The following RNF145 variants were observed in gnomAD, a reference collection of about 807,000 sequenced individuals.
RNF145 encodes the protein ring finger protein 145.
A neutral mutation model predicts 57.3 loss-of-function variants in RNF145; 12 were observed. The ratio of observed to expected loss-of-function variants is 0.21; its 90% CI spans 0.13 to 0.34. The LOEUF (loss-of-function observed/expected upper bound fraction) is 0.34. RNF145 is among the 10% of genes least tolerant of loss of function. The probability of loss-of-function intolerance (pLI) is 1.00; values close to 1 mark genes in which losing one functional copy is unlikely to be tolerated. For missense variants in RNF145, 429 were observed against 799.0 expected (o/e 0.54, Z 5.58); for synonymous variants, 262 against 288.3 (o/e 0.91, Z 0.92).
At chr5:159,203,395 G>A in intron 2 of RNF145, 39 bp downstream of exon 2, 1 of 1,352,310 alleles carries the variant, frequency 7.4e-7, no homozygotes, top group Non-Finnish European at 1.1e-6. Flanking sequence ...AAATCAGAAT[G>A]CTCACTAGAA....
At chr5:159,203,703 A>T (rs1401201614) in intron 1 of RNF145, 47 bp from the exon 2 acceptor site, 7 of 1,351,528 alleles carry the variant, frequency 5.2e-6, no homozygotes, top group Non-Finnish European at 7.1e-6. Context: ...GTCAACACAA[A>T]TCGCTTTTAG....
In RNF145 at chr5:159,176,716, A is replaced by G. The variant is rs749679010; in HGVS notation, c.537T>C (p.Thr179=). Residue 179 remains threonine (T), a synonymous_variant, in exon 5 of 11, where the codon ACT becomes ACC. Transcript: ENST00000424310. ...CAAGAAAATAGAGAACTTCCAATCC[A>G]GTAAAAATCATAGCAAATTTATTGA... ...VIINKFAMIF[T]GLEVLYFLGS... is the part of the protein sequence containing the mutation. 1 of 1,612,360 alleles carries G rather than the reference A, an allele frequency of 6.2e-7. No homozygotes were observed. The highest frequency in any genetic ancestry group is 8.5e-7 in the Non-Finnish European group (1 of 1,178,678).
In RNF145 at chr5:159,161,667, A is replaced by G. The variant is rs532619291; in HGVS notation, c.1270-45T>C. ...GTACGTATCTTGAAATATGATCACT[A>G]AGATACTTTTTTCATAGGCTTTAAA... is the stretch of plus-strand genomic sequence containing the variant. On this transcript the variant is annotated intron_variant, in intron 9 of 10. Transcript: ENST00000424310. 21 of 1,132,458 alleles carry G rather than the reference A, an allele frequency of 1.9e-5. No individual in the cohort carries two copies. In the African/African-American group the frequency reaches 2.3e-4, roughly 13 times the overall value. 70.2% of individuals were successfully genotyped at this position (1,132,458 alleles called of 1,614,324 possible).
At chr5:159,208,027 A>G (rs1240188546) in intron 1 of RNF145, 9 of 1,530,586 alleles carry the variant, frequency 5.9e-6, no homozygotes, top group Non-Finnish European at 7.0e-6. Context: ...CTTCCCTTTC[A>G]GACTAGTTTC....
In RNF145 at chr5:159,157,749, C is replaced by T. The variant is rs563714744; in HGVS notation, c.*921G>A. The stretch of plus-strand genomic sequence containing the variant: ...GTGATCATACAGTTATGTACTCATT[C>T]CCAAAGTGCAAATATTGCCATAATT... On this transcript the variant is annotated 3_prime_UTR_variant, in exon 11 of 11. Coordinates refer to ENST00000424310, the MANE Select transcript of RNF145 (RefSeq NM_001199383.2). 2.6e-5 allele frequency: 4 copies of T among 152,710 alleles called. No individual in the cohort carries two copies. Among genetic ancestry groups the T allele is most frequent in the Admixed American group, 6.5e-5 (1 of 15,274 alleles). 9.5% of individuals were successfully genotyped at this position (152,710 alleles called of 1,614,324 possible).
chr5:159,186,951 C>G (rs1785083922), intron 3 of RNF145, among the ~76,000 whole-genome samples: 2 of 151,756 alleles, frequency 1.3e-5, no homozygotes, highest in South Asian at 2.1e-4. Context: ...CCATTGCACT[C>G]CAGCCTGGGC....
intron 6 of RNF145, among the ~76,000 whole-genome samples, chr5:159,173,149 C>T (rs986357345): frequency 1.1e-4 from 16 of 152,122 alleles, no homozygotes; most frequent in African/African-American, 3.1e-4. Context: ...TGGGTTAGTC[C>T]AAGCTTGACT....
intron 3 of RNF145, among the ~76,000 whole-genome samples, chr5:159,183,526 A>G (rs549406161): frequency 3.5e-4 from 54 of 152,226 alleles, no homozygotes; most frequent in Non-Finnish European, 6.9e-4. Context: ...ATATCTGATT[A>G]CTATAGGTAA....
Position 159,158,524 on chromosome 5 carries a change from A to G in RNF145, c.*146T>C. 5 of 1,034,804 alleles carry G rather than the reference A, an allele frequency of 4.8e-6. No homozygotes were observed. Among genetic ancestry groups the G allele is most frequent in the Non-Finnish European group, 7.0e-6 (5 of 716,740 alleles). The allele number at this position is 1,034,804 out of a possible 1,614,324, so 64.1% of individuals were successfully genotyped here. On this transcript the variant is annotated 3_prime_UTR_variant, in exon 11 of 11. Coordinates refer to ENST00000424310, the MANE Select transcript of RNF145 (RefSeq NM_001199383.2). ...CAGGGGATGAAAGCAGGTGGTCCCC[A>G]CTGAGAGTACTTCCTGGATTAGATC...
In RNF145 at chr5:159,162,927, C is replaced by G; in HGVS notation, c.1269+5G>C. 6.3e-7 allele frequency: 1 copy of G among 1,592,702 alleles called. No homozygotes were observed. The highest frequency in any genetic ancestry group is 8.5e-7 in the Non-Finnish European group (1 of 1,173,890). On this transcript the variant is annotated splice_donor_5th_base_variant and intron_variant, in intron 9 of 10. Transcript: ENST00000424310. ...TTATATAGAGTTAATTAATCATAGG[C>G]TTACCTGAAGAGAGGTAAGAATGCT...
At chr5:159,191,200 T>C (rs994042238) in intron 3 of RNF145, among the ~76,000 whole-genome samples, 1 of 152,152 alleles carries the variant, frequency 6.6e-6, no homozygotes, top group Non-Finnish European at 1.5e-5. Context: ...AAGCTTAGTC[T>C]ACAATTTCAA....
intron 4 of RNF145, among the ~76,000 whole-genome samples, chr5:159,178,241 A>C (rs1246170281): frequency 6.6e-6 from 1 of 152,014 alleles, no homozygotes; most frequent in Non-Finnish European, 1.5e-5. Context: ...TGGAATAAGA[A>C]AATAAAGATC....
At position 159,209,233 on chromosome 5, in the gene RNF145, C is replaced by G; in HGVS notation, c.-42G>C. ...GGCCGGGCGGGCGGCGTGGTCACCTCAGGCTGCGGACTCCCTCCCTGGGGA... is the reference window on the plus strand; with the variant it reads ...GGCCGGGCGGGCGGCGTGGTCACCTGAGGCTGCGGACTCCCTCCCTGGGGA... On this transcript the variant is annotated splice_region_variant and 5_prime_UTR_variant, in exon 1 of 11. Coordinates refer to ENST00000424310, the MANE Select transcript of RNF145 (RefSeq NM_001199383.2). 5 of 984,938 alleles carry G rather than the reference C, an allele frequency of 5.1e-6. No homozygotes were observed. Among genetic ancestry groups the G allele is most frequent in the Non-Finnish European group, 6.0e-6 (5 of 829,542 alleles). 61.0% of individuals were successfully genotyped at this position (984,938 alleles called of 1,614,324 possible). A position where few individuals can be genotyped will look rare whatever the true frequency, so the allele number is the denominator to read the frequency against.
chr5:159,173,973 T>C lies in RNF145; in HGVS notation c.797+10A>G, dbSNP rs771873566. On this transcript the variant is annotated intron_variant, in intron 6 of 10. Coordinates refer to ENST00000424310, the MANE Select transcript of RNF145 (RefSeq NM_001199383.2). ...GGTTATATATAGTATCATAGGCTCT[T>C]ATTAATTACCTTGTCAGAAAAAGGA... is the stretch of plus-strand genomic sequence containing the variant. 6.3e-7 allele frequency: 1 copy of C among 1,593,468 alleles called. No homozygotes were observed. Among genetic ancestry groups the C allele is most frequent in the East Asian group, 2.2e-5 (1 of 44,748 alleles).
rs576791677 is a variant in RNF145 at position 159,197,567 on chromosome 5, TACTA to T, written c.185-2747_185-2744del. On this transcript the variant is annotated intron_variant, in intron 2 of 10. Transcript: ENST00000424310. Reference sequence around the variant, plus strand: ...TAAGAAAACTTTGAGAGACAATGAATACTAACTATGAGAGCAGTATGAATGAACC... The same window carrying T: ...TAAGAAAACTTTGAGAGACAATGAATACTATGAGAGCAGTATGAATGAACC... 3.9e-3 allele frequency among the ~76,000 whole-genome samples: 586 copies of T among 151,900 alleles called. 6 individuals are homozygous for T. The highest frequency in any genetic ancestry group is 0.013 in the African/African-American group (548 of 41,158).
intron 10 of RNF145, 54 bp from the exon 11 acceptor site, chr5:159,159,089 G>C: frequency 1.3e-6 from 2 of 1,509,270 alleles, no homozygotes; most frequent in Non-Finnish European, 1.8e-6. Context: ...TAGTATCTTT[G>C]GTGCTATCCC....
chr5:159,159,405 G>A (rs1460743669), intron 10 of RNF145, among the ~76,000 whole-genome samples: 2 of 152,158 alleles, frequency 1.3e-5, no homozygotes, highest in African/African-American at 4.8e-5. Flanking sequence ...CAGAAAATCT[G>A]ATGAAGACAG....
At chr5:159,183,820 G>A (rs950807027) in intron 3 of RNF145, among the ~76,000 whole-genome samples, 1 of 152,142 alleles carries the variant, frequency 6.6e-6, no homozygotes, top group Admixed American at 6.6e-5. Flanking sequence ...GTTGCCAGGG[G>A]CTGGGGAGAA....
chr5:159,205,014 A>G (rs1467653541), intron 1 of RNF145, among the ~76,000 whole-genome samples: 2 of 152,150 alleles, frequency 1.3e-5, no homozygotes, highest in African/African-American at 2.4e-5. Flanking sequence ...ACAGATTGCT[A>G]TGCTATGGTT....
Sources: allele counts gnomAD v4.1 joint callset (sites outside exome capture counted in the v4.1 genomes callset), GRCh38; gene constraint gnomAD v4.1.1; transcripts MANE v1.5; gene names NCBI Gene and HGNC (gene_info 2026-07-23, HGNC 2026-07-21).